UNC5C: variants seen among roughly 807,000 people sequenced by gnomAD.
UNC5C encodes unc-5 netrin receptor C, also known as netrin receptor UNC5C.
A neutral mutation model predicts 99.8 loss-of-function variants in UNC5C; 47 were observed. The ratio of observed to expected loss-of-function variants is 0.47; its 90% confidence interval spans 0.37 to 0.60. The LOEUF (loss-of-function observed/expected upper bound fraction) is 0.60, where lower values mean the gene tolerates loss of function less well. Ranked by LOEUF, UNC5C falls within the 20% of genes least tolerant of loss-of-function variation. The probability of loss-of-function intolerance (pLI) is 0.00; values close to 1 mark genes in which losing one functional copy is unlikely to be tolerated. For missense variants in UNC5C, 1,062 were observed against 1,165.9 expected (o/e 0.91, Z 1.30); for synonymous variants, 487 against 452.2 (o/e 1.08, Z -0.98).
chr4:95,248,889 G>C (rs1039929633), intron 5 of UNC5C, among the ~76,000 whole-genome samples: 1 of 152,258 alleles, frequency 6.6e-6, no homozygotes, highest in East Asian at 1.9e-4. Context: ...CAGCAGTGTA[G>C]AGTAATGTCC....
At chr4:95,406,808 A>G (rs563982202) in intron 1 of UNC5C, among the ~76,000 whole-genome samples, 2 of 152,350 alleles carry the variant, frequency 1.3e-5, no homozygotes, top group South Asian at 4.1e-4. Context: ...AATGTTAAGA[A>G]AAAGCAATTT....
intron 1 of UNC5C, among the ~76,000 whole-genome samples, chr4:95,513,768 T>G (rs564215732): frequency 3.9e-5 from 6 of 152,276 alleles, no homozygotes; most frequent in African/African-American, 1.2e-4. Flanking sequence ...TTTGAAATAT[T>G]CAAACTTCGA....
Position 95,166,836 on chromosome 4 carries a change from G to A in UNC5C, c.*2398C>T, listed in dbSNP as rs946255858. 6.6e-6 allele frequency: 1 copy of A among 152,034 alleles called. No individual in the cohort carries two copies. The highest frequency in any genetic ancestry group is 1.5e-5 in the Non-Finnish European group (1 of 67,998). 9.4% of individuals were successfully genotyped at this position (152,034 alleles called of 1,614,324 possible). ...TGTATAACTGCGTGTATATATATTT[G>A]ATTTTTAATTTAGAATACAGTTTTA... On this transcript the variant is annotated 3_prime_UTR_variant, in exon 16 of 16. Coordinates refer to ENST00000453304, the MANE Select transcript of UNC5C (RefSeq NM_003728.4).
intron 1 of UNC5C, among the ~76,000 whole-genome samples, chr4:95,530,203 G>C (rs1722606768): frequency 6.6e-6 from 1 of 152,146 alleles, no homozygotes; most frequent in Non-Finnish European, 1.5e-5. Context: ...ACTATTGTGG[G>C]AGCTGAAGGC....
At chr4:95,337,633 C>A (rs1207583293) in intron 1 of UNC5C, among the ~76,000 whole-genome samples, 1 of 151,884 alleles carries the variant, frequency 6.6e-6, no homozygotes, top group African/African-American at 2.4e-5. Flanking sequence ...AATGTATGGG[C>A]AAACTAACTT....
chr4:95,363,787 A>G (rs1348693773), intron 1 of UNC5C, among the ~76,000 whole-genome samples: 1 of 152,138 alleles, frequency 6.6e-6, no homozygotes, highest in Non-Finnish European at 1.5e-5. Flanking sequence ...TTGGAGAGCC[A>G]CCCTGAGGCC....
At chr4:95,346,153 A>G (rs1405095035) in intron 1 of UNC5C, among the ~76,000 whole-genome samples, 1 of 152,002 alleles carries the variant, frequency 6.6e-6, no homozygotes, top group East Asian at 1.9e-4. Flanking sequence ...ACTGTGAGCA[A>G]CTATATTCTA....
At chr4:95,481,546 C>T (rs187943540) in intron 1 of UNC5C, among the ~76,000 whole-genome samples, 13 of 151,958 alleles carry the variant, frequency 8.6e-5, no homozygotes, top group African/African-American at 2.4e-4. Context: ...GAGCCCACAT[C>T]GCCAAGTCAA....
At chr4:95,430,811 C>A (rs985550083) in intron 1 of UNC5C, among the ~76,000 whole-genome samples, 1 of 152,054 alleles carries the variant, frequency 6.6e-6, no homozygotes, top group African/African-American at 2.4e-5. Context: ...AGACTATATG[C>A]AGCCTAAGAA....
At chr4:95,191,368 T>TATCTA (rs1429876921) in intron 12 of UNC5C, among the ~76,000 whole-genome samples, 2 of 152,144 alleles carry the variant, frequency 1.3e-5, no homozygotes, top group African/African-American at 4.8e-5. Flanking sequence ...CTTTGAAGTA[T>TATCTA]ATCTATTAGA....
chr4:95,465,762 A>C (rs1256363779), intron 1 of UNC5C, among the ~76,000 whole-genome samples: 1 of 152,192 alleles, frequency 6.6e-6, no homozygotes, highest in Non-Finnish European at 1.5e-5. Flanking sequence ...GTTAAAAAAA[A>C]GTTTGGATTT....
At chr4:95,224,611 C>CAT (rs1738605994) in intron 7 of UNC5C, among the ~76,000 whole-genome samples, 1 of 151,976 alleles carries the variant, frequency 6.6e-6, no homozygotes, top group East Asian at 1.9e-4. Flanking sequence ...GGAATTCATT[C>CAT]ATTCATTCAT....
At chr4:95,213,824 T>A (rs142885486) in intron 10 of UNC5C, among the ~76,000 whole-genome samples, 268 of 152,292 alleles carry the variant, frequency 1.8e-3, no homozygotes, top group African/African-American at 6.0e-3. Context: ...ATAGAAAGGA[T>A]CTTTAGTGAG....
chr4:95,192,125 C>T (rs1202418505), intron 12 of UNC5C, among the ~76,000 whole-genome samples: 4 of 139,650 alleles, frequency 2.9e-5, no homozygotes, highest in African/African-American at 5.3e-5. Context: ...TCCTCCCCTG[C>T]TCATCCTCCT....
In UNC5C at chr4:95,164,295, A is replaced by T. The variant is rs1311008265; in HGVS notation, c.*4939T>A. The T allele has an allele frequency of 1.3e-5, 2 of 152,228 alleles. No individual in the cohort carries two copies. Among genetic ancestry groups the T allele is most frequent in the Non-Finnish European group, 2.9e-5 (2 of 68,036 alleles). The allele number at this position is 152,228 out of a possible 1,614,324, so 9.4% of individuals were successfully genotyped here. ...GCCTGTATGGATATGGGTTTACATA[A>T]CATTGGTTACAATATATTTATTCCC... On this transcript the variant is annotated 3_prime_UTR_variant, in exon 16 of 16. Coordinates refer to ENST00000453304, the MANE Select transcript of UNC5C (RefSeq NM_003728.4).
At chr4:95,170,099 G>A (rs2241744) in intron 15 of UNC5C, 55 bp downstream of exon 15, 811,169 of 1,562,364 alleles carry the variant, frequency 0.52, 219,426 homozygotes, top group Admixed American at 0.63. Context: ...AATAGTTATC[G>A]GTCCTGGAGG....
At chr4:95,430,359 A>G (rs1399443865) in intron 1 of UNC5C, among the ~76,000 whole-genome samples, 1 of 152,120 alleles carries the variant, frequency 6.6e-6, no homozygotes, top group African/African-American at 2.4e-5. Context: ...GTTAACATGT[A>G]TTCAAACATT....
At chr4:95,382,027 C>G (rs1426081697) in intron 1 of UNC5C, among the ~76,000 whole-genome samples, 1 of 152,134 alleles carries the variant, frequency 6.6e-6, no homozygotes, top group Non-Finnish European at 1.5e-5. Flanking sequence ...AAGTAAGAAG[C>G]TTGTCTCCAA....
intron 1 of UNC5C, among the ~76,000 whole-genome samples, chr4:95,464,004 G>T (rs1747693129): frequency 6.6e-6 from 1 of 152,140 alleles, no homozygotes; most frequent in Non-Finnish European, 1.5e-5. Flanking sequence ...AGTCTTCTCA[G>T]GAAGTGCAAA....
Sources: gnomAD v4.1 joint callset for allele counts (sites outside exome capture counted in the v4.1 genomes callset) on GRCh38, gnomAD v4.1.1 for gene constraint, MANE v1.5 for transcripts, NCBI Gene and HGNC (gene_info 2026-07-23, HGNC 2026-07-21) for gene names.